NDUFB3: variants seen among roughly 807,000 people sequenced by gnomAD.
NDUFB3 encodes the protein NADH dehydrogenase [ubiquinone] 1 beta subcomplex subunit 3.
Under a neutral mutation model 9.0 loss-of-function variants are expected in NDUFB3, and 7 were observed. The ratio of observed to expected loss-of-function variants is 0.78; its 90% CI spans 0.44 to 1.46. NDUFB3 has a LOEUF of 1.46. Ranked by LOEUF, NDUFB3 falls within the 40% of genes most tolerant of loss-of-function variation. The pLI, the probability that NDUFB3 is intolerant of heterozygous loss-of-function variation, is 0.01. For synonymous variants in NDUFB3, 29 were observed against 38.5 expected (o/e 0.75, Z 0.91); for missense variants, 93 against 115.4 (o/e 0.81, Z 0.89).
In NDUFB3 at chr2:201,073,331, A is replaced by C. The variant is rs74328606; in HGVS notation, c.-3+1272A>C. 3.2e-3 allele frequency among the ~76,000 whole-genome samples: 485 copies of C among 152,314 alleles called. 2 individuals carry two copies. Among genetic ancestry groups the C allele is most frequent in the African/African-American group, 0.011 (456 of 41,560 alleles). On this transcript the variant is annotated intron_variant, in intron 1 of 2. Coordinates refer to ENST00000237889, the MANE Select transcript of NDUFB3 (RefSeq NM_002491.3). ...TCATTATCCATATTTGTGGAGATTCAATCACACTTTTGCATGTAGTTTTTT... is the reference window on the plus strand; with the variant it reads ...TCATTATCCATATTTGTGGAGATTCCATCACACTTTTGCATGTAGTTTTTT...
At chr2:201,073,137 A>G (rs150903858) in intron 1 of NDUFB3, among the ~76,000 whole-genome samples, 2 of 152,314 alleles carry the variant, frequency 1.3e-5, no homozygotes, top group African/African-American at 2.4e-5. Context: ...CTGTGATTCC[A>G]TCTCCTCCAC....
chr2:201,076,208 A>G (rs896538336), intron 1 of NDUFB3, among the ~76,000 whole-genome samples: 10 of 152,142 alleles, frequency 6.6e-5, no homozygotes, highest in African/African-American at 2.4e-4. Context: ...TTTCATTTAA[A>G]TGTGAAAATC....
intron 1 of NDUFB3, among the ~76,000 whole-genome samples, chr2:201,078,334 G>C (rs377354667): frequency 1.3e-5 from 2 of 152,074 alleles, no homozygotes; most frequent in Admixed American, 1.3e-4. Flanking sequence ...TTAGGAGCAG[G>C]GTTCTAAAAC....
chr2:201,079,063 G>T (rs752948093), intron 2 of NDUFB3, 41 bp downstream of exon 2: 2 of 1,567,178 alleles, frequency 1.3e-6, no homozygotes, highest in Non-Finnish European at 1.7e-6. Flanking sequence ...GTATCCTAGA[G>T]AATCAAGTGT....
intron 1 of NDUFB3, among the ~76,000 whole-genome samples, chr2:201,076,144 A>C (rs1233829820): frequency 1.3e-5 from 2 of 152,082 alleles, no homozygotes; most frequent in African/African-American, 2.4e-5. Context: ...TGTTTCATTC[A>C]GAGTTGTGTT....
chr2:201,078,836 C>T, intron 1 of NDUFB3, 45 bp from the exon 2 acceptor site: 1 of 1,555,126 alleles, frequency 6.4e-7, no homozygotes, highest in Non-Finnish European at 8.7e-7. Flanking sequence ...TATTTGATAT[C>T]TACAATTTGC....
chr2:201,081,758 C>A (rs1383087102), intron 2 of NDUFB3, among the ~76,000 whole-genome samples: 2 of 151,650 alleles, frequency 1.3e-5, no homozygotes, highest in Non-Finnish European at 2.9e-5. Flanking sequence ...AAGCAATTCT[C>A]CTGCCTCAGC....
chr2:201,072,033 T>C lies in NDUFB3; in HGVS notation c.-29T>C, dbSNP rs562092370. 1.3e-5 allele frequency: 2 copies of C among 152,300 alleles called. No individual in the cohort carries two copies. Among genetic ancestry groups the C allele is most frequent in the African/African-American group, 4.8e-5 (2 of 41,566 alleles). 9.4% of individuals were successfully genotyped at this position (152,300 alleles called of 1,614,324 possible). On this transcript the variant is annotated 5_prime_UTR_variant, in exon 1 of 3. Coordinates refer to ENST00000237889, the MANE Select transcript of NDUFB3 (RefSeq NM_002491.3). Reference sequence around the variant, plus strand: ...GGTTGGCTCCGGTTGCAGAGTTGAGTGTCCTGAGAGGTCAGATTGCTGTCA... The same window carrying C: ...GGTTGGCTCCGGTTGCAGAGTTGAGCGTCCTGAGAGGTCAGATTGCTGTCA...
rs1274392593 is a variant in NDUFB3, at chr2:201,074,149, T to C, written c.-3+2090T>C. Among the ~76,000 whole-genome samples the C allele has an allele frequency of 2.0e-5, 3 of 152,180 alleles. No individual in the cohort carries two copies. The East Asian group carries it at 5.8e-4, about 29-fold the overall frequency. ...TTTATTTTTAGTAGAGACGGGATTTTGCCATGTTGGTTAGGCTTTTCTTGA... is the reference window on the plus strand; with the variant it reads ...TTTATTTTTAGTAGAGACGGGATTTCGCCATGTTGGTTAGGCTTTTCTTGA... On this transcript the variant is annotated intron_variant, in intron 1 of 2. Coordinates refer to ENST00000237889, the MANE Select transcript of NDUFB3 (RefSeq NM_002491.3).
intron 2 of NDUFB3, among the ~76,000 whole-genome samples, chr2:201,083,168 A>G (rs2047248789): frequency 6.6e-6 from 1 of 152,098 alleles, no homozygotes; most frequent in Non-Finnish European, 1.5e-5. Flanking sequence ...ACTGGCTAAC[A>G]CCACTACTAT....
intron 1 of NDUFB3, among the ~76,000 whole-genome samples, chr2:201,074,912 A>T (rs2047144639): frequency 6.6e-6 from 1 of 152,240 alleles, no homozygotes; most frequent in Non-Finnish European, 1.5e-5. Context: ...TATATGAAGA[A>T]ACTGAAGTTC....
intron 2 of NDUFB3, 112 bp from the exon 3 acceptor site, chr2:201,085,342 TAAATG>T (rs2047279210): frequency 8.4e-6 from 6 of 711,180 alleles, no homozygotes; most frequent in African/African-American, 1.8e-5. Flanking sequence ...GCGATTCACT[TAAATG>T]ATCTTCTGTA....
At chr2:201,079,513 G>A (rs573988495) in intron 2 of NDUFB3, among the ~76,000 whole-genome samples, 2 of 152,064 alleles carry the variant, frequency 1.3e-5, no homozygotes, top group South Asian at 2.1e-4. Context: ...GCAGTGGTGC[G>A]CTCACAGCAA....
chr2:201,079,097 T>C, intron 2 of NDUFB3, 75 bp downstream of exon 2: 1 of 1,444,860 alleles, frequency 6.9e-7, no homozygotes, highest in Non-Finnish European at 9.3e-7. Flanking sequence ...CAATGTATTC[T>C]CCTTAGAGAA....
intron 2 of NDUFB3, among the ~76,000 whole-genome samples, chr2:201,082,252 C>A (rs1464746837): frequency 1.3e-5 from 2 of 150,378 alleles, no homozygotes; most frequent in African/African-American, 2.5e-5. Flanking sequence ...TCAGGCCTGG[C>A]GTTGTTTGTT....
intron 2 of NDUFB3, among the ~76,000 whole-genome samples, chr2:201,083,137 T>G (rs2047248367): frequency 6.6e-6 from 1 of 152,202 alleles, no homozygotes; most frequent in African/African-American, 2.4e-5. Context: ...AACTTTTTAT[T>G]TCTTTTTCTT....
chr2:201,076,484 AATATATATATATAT>A (rs561737388), intron 1 of NDUFB3, among the ~76,000 whole-genome samples: 2 of 120,116 alleles, frequency 1.7e-5, no homozygotes, highest in African/African-American at 6.3e-5. Flanking sequence ...TCTATCTTTA[AATATATATATATAT>A]ATATATATAT....
chr2:201,081,839 G>A (rs1417662791), intron 2 of NDUFB3, among the ~76,000 whole-genome samples: 1 of 129,316 alleles, frequency 7.7e-6, no homozygotes, highest in Admixed American at 8.0e-5. Context: ...TTTTTGAAAT[G>A]GAGTCTCGCT....
chr2:201,075,178 T>TG (rs1337970987), intron 1 of NDUFB3, among the ~76,000 whole-genome samples: 1 of 135,006 alleles, frequency 7.4e-6, no homozygotes, highest in African/African-American at 2.9e-5. Context: ...AGATCCTGTC[T>TG]GAAAAAAAAA....
Sources: gnomAD v4.1 joint callset for allele counts (sites outside exome capture counted in the v4.1 genomes callset) on GRCh38, gnomAD v4.1.1 for gene constraint, MANE v1.5 for transcripts, NCBI Gene and HGNC (gene_info 2026-07-23, HGNC 2026-07-21) for gene names.